ATP13A4: variants seen among roughly 807,000 people sequenced by gnomAD.
The protein encoded by ATP13A4 is ATPase 13A4.
In ATP13A4, 114 loss-of-function variants were observed where a neutral mutation model predicts 142.5. The ratio of observed to expected loss-of-function variants is 0.80; its 90% CI spans 0.69 to 0.93. ATP13A4 has a LOEUF of 0.93. ATP13A4 is among the 40% of genes least tolerant of loss of function. ATP13A4 has a pLI of 0.00. For synonymous variants in ATP13A4, 488 were observed against 514.8 expected, an observed-to-expected ratio of 0.95 and a Z score of 0.70; for missense variants, 1,392 against 1,454.0, an observed-to-expected ratio of 0.96 and a Z score of 0.69.
chr3:193,410,947 G>T, intron 28 of ATP13A4, 35 bp downstream of exon 28: 1 of 1,309,288 alleles, frequency 7.6e-7, no homozygotes, highest in South Asian at 1.2e-5. Flanking sequence ...TTACATAACT[G>T]TAAAGCATCA....
intron 9 of ATP13A4, among the ~76,000 whole-genome samples, chr3:193,468,071 C>T (rs1004598055): frequency 6.6e-6 from 1 of 152,092 alleles, no homozygotes; most frequent in Non-Finnish European, 1.5e-5. Context: ...CCCAGCTACT[C>T]GGGAGGCTGA....
intron 2 of ATP13A4, among the ~76,000 whole-genome samples, chr3:193,560,344 G>A (rs1723988457): frequency 6.6e-6 from 1 of 151,940 alleles, no homozygotes; most frequent in Non-Finnish European, 1.5e-5. Context: ...AAGCAGTTGG[G>A]ACTACAGGCA....
intron 29 of ATP13A4, among the ~76,000 whole-genome samples, chr3:193,405,491 C>G (rs926237980): frequency 6.6e-6 from 1 of 152,190 alleles, no homozygotes; most frequent in Non-Finnish European, 1.5e-5. Context: ...AATAGGCTTG[C>G]TGTGGCCTCT....
At chr3:193,531,116 C>T (rs1327195774) in intron 1 of ATP13A4, among the ~76,000 whole-genome samples, 2 of 152,040 alleles carry the variant, frequency 1.3e-5, no homozygotes, top group African/African-American at 2.4e-5. Context: ...AGGAGTGGGT[C>T]GTGGCTTCTC....
At chr3:193,503,253 A>C (rs1720660607) in intron 2 of ATP13A4, among the ~76,000 whole-genome samples, 1 of 152,194 alleles carries the variant, frequency 6.6e-6, no homozygotes, top group Non-Finnish European at 1.5e-5. Context: ...GAACCTGCCC[A>C]AGGTAATTGC....
chr3:193,539,888 T>G (rs1377767870), intron 1 of ATP13A4, among the ~76,000 whole-genome samples: 1 of 152,234 alleles, frequency 6.6e-6, no homozygotes, highest in African/African-American at 2.4e-5. Flanking sequence ...ACTTACTTTA[T>G]ACATGGACAC....
chr3:193,458,827 A>G (rs1560202049), intron 14 of ATP13A4: 1 of 610,970 alleles, frequency 1.6e-6, no homozygotes, highest in Non-Finnish European at 2.9e-6. Context: ...AACCTTTAAT[A>G]TTTGCCAGGC....
At chr3:193,419,538 G>A (rs1255029231) in intron 25 of ATP13A4, among the ~76,000 whole-genome samples, 1 of 144,548 alleles carries the variant, frequency 6.9e-6, no homozygotes, top group African/African-American at 2.5e-5. Flanking sequence ...TTGGCCAAGA[G>A]CAGTCATACC....
chr3:193,530,337 C>T (rs1009997573), intron 1 of ATP13A4, among the ~76,000 whole-genome samples: 9 of 152,060 alleles, frequency 5.9e-5, no homozygotes, highest in Non-Finnish European at 1.3e-4. Flanking sequence ...TTTGTGAAAC[C>T]TCCTCAGTCA....
intron 21 of ATP13A4, among the ~76,000 whole-genome samples, chr3:193,439,915 G>A (rs1435517897): frequency 6.6e-5 from 10 of 151,992 alleles, no homozygotes; most frequent in South Asian, 4.2e-4. Context: ...AGTAGGAGTC[G>A]GAGTCATGTT....
At position 193,424,321 on chromosome 3, in the gene ATP13A4, G is replaced by GAA. The variant is rs35462615; in HGVS notation, c.2842+9522_2842+9523dup. 6.8e-3 allele frequency among the ~76,000 whole-genome samples: 1,002 copies of GAA among 147,104 alleles called. 60 individuals carry two copies. The highest frequency in any genetic ancestry group is 0.024 in the African/African-American group (952 of 40,118). On this transcript the variant is annotated intron_variant, in intron 25 of 29. Coordinates refer to ENST00000342695, the MANE Select transcript of ATP13A4 (RefSeq NM_032279.4). Reference sequence around the variant, plus strand: ...ACCAAAGAAATTTTTCACAGAAATAGAAAAAAAAATCCTAAAATGTATAGG... The same window carrying GAA: ...ACCAAAGAAATTTTTCACAGAAATAGAAAAAAAAAAATCCTAAAATGTATAGG...
At chr3:193,474,512 GC>G (rs916052239) in intron 8 of ATP13A4, among the ~76,000 whole-genome samples, 1 of 148,870 alleles carries the variant, frequency 6.7e-6, no homozygotes, top group African/African-American at 2.5e-5. Flanking sequence ...CTCCAGTTGG[GC>G]AACAGTGCAA....
At chr3:193,487,600 C>T (rs1296935359) in intron 7 of ATP13A4, among the ~76,000 whole-genome samples, 1 of 152,050 alleles carries the variant, frequency 6.6e-6, no homozygotes, top group African/African-American at 2.4e-5. Context: ...CAGGTGTGAG[C>T]CTCCACACCT....
chr3:193,410,055 C>T (rs1013593084), intron 28 of ATP13A4, among the ~76,000 whole-genome samples: 5 of 152,132 alleles, frequency 3.3e-5, no homozygotes, highest in East Asian at 3.9e-4. Context: ...ATCATTTAGC[C>T]GTGATTAAAT....
At chr3:193,555,857 A>G (rs1232647207), upstream of ATP13A4, among the ~76,000 whole-genome samples, 1 of 152,180 alleles carries the variant, frequency 6.6e-6, no homozygotes, top group Admixed American at 6.5e-5. Flanking sequence ...GCTTGTCTGC[A>G]CTGGCCTTGC....
chr3:193,466,175 G>A lies in ATP13A4; in HGVS notation c.1122C>T (p.Asn374=), dbSNP rs771334515. 1.5e-5 allele frequency: 24 copies of A among 1,613,852 alleles called. No homozygotes were observed. The African/African-American group carries it at 2.9e-4, about 20-fold the overall frequency. Residue 374 remains asparagine, a synonymous_variant, in exon 11 of 30, where the codon AAC becomes AAT. Transcript: ENST00000342695. ...VRAVVLQTGF[N]TAKGDLVRSI... is the part of the protein sequence containing the mutation. ...ATCTCACAAGGTCTCCCTTTGCAGT[G>A]TTGAATCCTGGAACAACAAACACAC...
rs188409947 is a variant in ATP13A4 at position 193,540,971 on chromosome 3, C to T, written c.60+13769G>A. 3.3e-5 allele frequency among the ~76,000 whole-genome samples: 5 copies of T among 152,178 alleles called. No individual in the cohort carries two copies. The East Asian group carries it at 9.7e-4, about 29-fold the overall frequency. ...ACTTTTAAAATCAGAACAATAGGGC[C>T]GGGCGCGGTGGCTCACGCCTGTAAT... is the stretch of plus-strand genomic sequence containing the variant. On this transcript the variant is annotated intron_variant, in intron 1 of 29. Coordinates refer to ENST00000342695, the MANE Select transcript of ATP13A4 (RefSeq NM_032279.4).
At chr3:193,573,433 T>C (rs992882777) in intron 2 of ATP13A4, among the ~76,000 whole-genome samples, 2 of 150,906 alleles carry the variant, frequency 1.3e-5, no homozygotes, top group African/African-American at 4.9e-5. Context: ...GACAAATGAC[T>C]CTCTGGAGCA....
chr3:193,519,626 A>ATTTTTTTTTT lies in ATP13A4; in HGVS notation c.61-4765_61-4756dup, dbSNP rs147173408. ...GAATTTTCACAATTTGCAATTTGTA[A>ATTTTTTTTTT]TTTTTTTTTTTTTTTTTTTTTTTTT... On this transcript the variant is annotated intron_variant, in intron 1 of 29. Coordinates refer to ENST00000342695, the MANE Select transcript of ATP13A4 (RefSeq NM_032279.4). Among the ~76,000 whole-genome samples, 49 of 69,034 alleles carry ATTTTTTTTTT rather than the reference A, an allele frequency of 7.1e-4. 2 individuals are homozygous for ATTTTTTTTTT. The highest frequency in any genetic ancestry group is 1.1e-3 in the Non-Finnish European group (43 of 39,888). The allele number at this position is 69,034 out of a possible 152,430, so 45.3% of individuals were successfully genotyped here. A position where few individuals can be genotyped will look rare whatever the true frequency, so the allele number is the denominator to read the frequency against.
Sources: gnomAD v4.1 joint callset for allele counts (sites outside exome capture counted in the v4.1 genomes callset) on GRCh38, gnomAD v4.1.1 for gene constraint, MANE v1.5 for transcripts, NCBI Gene and HGNC (gene_info 2026-07-23, HGNC 2026-07-21) for gene names.